Variants in ANKRD33B observed in about 807,000 individuals in gnomAD.
The protein encoded by ANKRD33B is ankyrin repeat domain 33B, also known as ankyrin repeat domain-containing protein 33B.
ANKRD33B carries 6 observed loss-of-function variants against 21.5 expected under a neutral mutation model. That is an observed-to-expected ratio of 0.28 (90% CI 0.15 to 0.55). The LOEUF is 0.55. ANKRD33B is among the 20% of genes least tolerant of loss of function. The pLI, the probability that ANKRD33B is intolerant of heterozygous loss-of-function variation, is 0.94. For missense variants in ANKRD33B, 698 were observed against 747.2 expected (o/e 0.93, Z 0.77); for synonymous variants, 347 against 342.4 (o/e 1.01, Z -0.15).
Position 10,564,732 on chromosome 5 carries a change from C to G in ANKRD33B, c.265C>G (p.Leu89Val). 1 of 1,532,620 alleles carries G rather than the reference C, an allele frequency of 6.5e-7. No homozygotes were observed. Among genetic ancestry groups the G allele is most frequent in the Non-Finnish European group, 8.7e-7 (1 of 1,145,244 alleles). The allele number at this position is 1,532,620 out of a possible 1,614,324, so 94.9% of individuals were successfully genotyped here. Residue 89 changes from leucine to valine, a missense_variant, in exon 1 of 4, where the codon CTC (leucine) becomes GTC (valine). Physicochemically the swap from Leu to Val is conservative, Grantham distance 32. Around this residue, in one of 3 missense-constraint regions of ANKRD33B, gnomAD observed 148 missense variants for 154.9 expected, o/e 0.96. Coordinates refer to ENST00000296657, the MANE Select transcript of ANKRD33B (RefSeq NM_001164440.2). Reference sequence around the variant, plus strand: ...GGAAAGCGTCCCGGAGACGGCGACCCTCCTGCGCGCCGCCTGCGCCAACAA... The same window carrying G: ...GGAAAGCGTCCCGGAGACGGCGACCGTCCTGCGCGCCGCCTGCGCCAACAA... ...VPESVPETAT[L>V]LRAACANNVG... is the part of the protein sequence containing the mutation.
In ANKRD33B at chr5:10,649,816, C is replaced by T. The variant is rs1434330009; in HGVS notation, c.1188C>T (p.Pro396=). The T allele has an allele frequency of 2.2e-6, 3 of 1,384,326 alleles. No homozygotes were observed. Among genetic ancestry groups the T allele is most frequent in the South Asian group, 3.1e-5 (2 of 64,004 alleles). 85.8% of individuals were successfully genotyped at this position (1,384,326 alleles called of 1,614,324 possible). The change falls in exon 4 of 4, where the codon CCC becomes CCT. Residue 396 remains proline (P), a synonymous_variant. Coordinates refer to ENST00000296657, the MANE Select transcript of ANKRD33B (RefSeq NM_001164440.2). ...CTCCCGCCCTGGGGTCCCGGGGCCCCGCAGCGCCCGCCCCGCGGAAGGCCA... is the reference window on the plus strand; with the variant it reads ...CTCCCGCCCTGGGGTCCCGGGGCCCTGCAGCGCCCGCCCCGCGGAAGGCCA... ...GLPPALGSRG[P]AAPAPRKASL...
At chr5:10,583,897 G>A (rs551582751) in intron 1 of ANKRD33B, among the ~76,000 whole-genome samples, 27 of 152,276 alleles carry the variant, frequency 1.8e-4, no homozygotes, top group African/African-American at 6.5e-4. Context: ...TTTTCTCTTG[G>A]AGTTGTAATA....
At chr5:10,610,597 G>A (rs1736148803) in intron 1 of ANKRD33B, among the ~76,000 whole-genome samples, 1 of 152,204 alleles carries the variant, frequency 6.6e-6, no homozygotes, top group African/African-American at 2.4e-5. Context: ...TAGGGGCATG[G>A]ATGAACATGC....
intron 1 of ANKRD33B, among the ~76,000 whole-genome samples, chr5:10,600,562 T>C (rs1249192671): frequency 1.3e-5 from 2 of 152,244 alleles, no homozygotes; most frequent in African/African-American, 4.8e-5. Flanking sequence ...TTATCTAGTC[T>C]CTTGATGAAT....
Position 10,618,402 on chromosome 5 carries a change from G to T in ANKRD33B, c.436G>T (p.Val146Phe). Residue 146 changes from valine (V) to phenylalanine (F), a missense_variant, in exon 2 of 4, where the codon GTT becomes TTT. Val to Phe is a conservative substitution (Grantham distance 50). Coordinates refer to ENST00000296657, the MANE Select transcript of ANKRD33B (RefSeq NM_001164440.2). ...TVVALAECPH[V>F]DVNWQDSEGN... ...GGTGGCCTTAGCAGAGTGCCCCCAC[G>T]TTGACGTCAACTGGCAGGACAGCGA... 1.3e-6 allele frequency: 2 copies of T among 1,537,682 alleles called. No individual in the cohort carries two copies. Among genetic ancestry groups the T allele is most frequent in the Non-Finnish European group, 1.7e-6 (2 of 1,146,986 alleles).
chr5:10,644,019 A>AGG (rs1560987314), intron 3 of ANKRD33B, among the ~76,000 whole-genome samples: 1 of 150,764 alleles, frequency 6.6e-6, no homozygotes, highest in Non-Finnish European at 1.5e-5. Flanking sequence ...AAAAAAAAAA[A>AGG]AAGTGTTGAA....
chr5:10,625,788 A>G lies in ANKRD33B; in HGVS notation c.496+7326A>G, dbSNP rs149285677. Reference sequence around the variant, plus strand: ...GACAGGTGGGCTTTTGAGTTAATCAACGGCAGCAAGGCTGTAGTGAAGTCT... The same window carrying G: ...GACAGGTGGGCTTTTGAGTTAATCAGCGGCAGCAAGGCTGTAGTGAAGTCT... On this transcript the variant is annotated intron_variant, in intron 2 of 3. Transcript: ENST00000296657. Among the ~76,000 whole-genome samples, 845 of 152,364 alleles carry G rather than the reference A, an allele frequency of 5.5e-3. 6 individuals carry two copies. The highest frequency in any genetic ancestry group is 0.019 in the African/African-American group (791 of 41,574).
rs770134327 is a variant in ANKRD33B, at chr5:10,652,794, G to T, written c.*2681G>T. 44 of 284,912 alleles carry T rather than the reference G, an allele frequency of 1.5e-4. No homozygotes were observed. In the Middle Eastern group the frequency reaches 2.0e-3, roughly 13 times the overall value. 17.6% of individuals were successfully genotyped at this position (284,912 alleles called of 1,614,324 possible). ...CATCCAGGTGCACAGGATACTCTGG[G>T]GCCAGCACAGGGATTGTCCAGTGAT... On this transcript the variant is annotated 3_prime_UTR_variant, in exon 4 of 4. Transcript: ENST00000296657. The surrounding 1 kb of genome is among the most constrained non-coding windows in gnomAD (Gnocchi z 4.1).
intron 1 of ANKRD33B, among the ~76,000 whole-genome samples, chr5:10,578,743 G>T (rs150912567): frequency 6.6e-6 from 1 of 152,154 alleles, no homozygotes; most frequent in Non-Finnish European, 1.5e-5. Flanking sequence ...AATCTGAACC[G>T]TTGGGTTTGT....
At chr5:10,637,167 CTCT>C (rs1736886727) in intron 2 of ANKRD33B, among the ~76,000 whole-genome samples, 1 of 152,182 alleles carries the variant, frequency 6.6e-6, no homozygotes, top group Non-Finnish European at 1.5e-5. Context: ...CAAGAGGATG[CTCT>C]CCCACTCCAT....
intron 1 of ANKRD33B, among the ~76,000 whole-genome samples, chr5:10,591,800 A>G (rs1735700518): frequency 8.4e-6 from 1 of 118,392 alleles, no homozygotes; most frequent in Non-Finnish European, 1.9e-5. Flanking sequence ...GCTGATATTC[A>G]ATATAATATT....
At position 10,649,753 on chromosome 5, in the gene ANKRD33B, C is replaced by T; in HGVS notation, c.1125C>T (p.Asp375=). ...AGCGCGGGCGGACCGGACAGGAGGA[C>T]GCGGACTCCCGGGAGGGCTCCCCGA... ...AGQRGRTGQE[D]ADSREGSPRA... The change falls in exon 4 of 4, where the codon GAC becomes GAT. Residue 375 remains aspartate, a synonymous_variant. Coordinates refer to ENST00000296657, the MANE Select transcript of ANKRD33B (RefSeq NM_001164440.2). The T allele has an allele frequency of 2.8e-6, 4 of 1,445,418 alleles. No individual in the cohort carries two copies. The highest frequency in any genetic ancestry group is 3.6e-6 in the Non-Finnish European group (4 of 1,104,350). 89.5% of individuals were successfully genotyped at this position (1,445,418 alleles called of 1,614,324 possible).
rs544049690 is a variant in ANKRD33B, at chr5:10,652,856, G to A, written c.*2743G>A. 3.7e-6 allele frequency: 1 copy of A among 267,328 alleles called. No individual in the cohort carries two copies. Among genetic ancestry groups the A allele is most frequent in the South Asian group, 3.6e-5 (1 of 28,036 alleles). The allele number at this position is 267,328 out of a possible 1,614,324, so 16.6% of individuals were successfully genotyped here. On this transcript the variant is annotated 3_prime_UTR_variant, in exon 4 of 4. Coordinates refer to ENST00000296657, the MANE Select transcript of ANKRD33B (RefSeq NM_001164440.2). The surrounding 1 kb of genome is among the most constrained non-coding windows in gnomAD (Gnocchi z 4.1). ...CCACAAAACAGCTCTAGAGATACCT[G>A]CATTTTGAAAAGCCTGCTGAGCCAA...
rs1737506564 is a variant in ANKRD33B at position 10,657,053 on chromosome 5, G to A, written c.*6940G>A. The A allele has an allele frequency of 6.6e-6, 1 of 152,238 alleles. No individual in the cohort carries two copies. The highest frequency in any genetic ancestry group is 2.4e-5 in the African/African-American group (1 of 41,422). 9.4% of individuals were successfully genotyped at this position (152,238 alleles called of 1,614,324 possible). A position where few individuals can be genotyped will look rare whatever the true frequency, so the allele number is the denominator to read the frequency against. On this transcript the variant is annotated 3_prime_UTR_variant, in exon 4 of 4. Coordinates refer to ENST00000296657, the MANE Select transcript of ANKRD33B (RefSeq NM_001164440.2). ...GGCCTGATGCTTTAAGAAGTTTGAG[G>A]AGGTAGGTATGGAGGCACCTTAACA...
At chr5:10,595,827 G>T (rs951280681) in intron 1 of ANKRD33B, among the ~76,000 whole-genome samples, 2 of 152,298 alleles carry the variant, frequency 1.3e-5, no homozygotes, top group Admixed American at 6.5e-5. Context: ...TACGACTCTG[G>T]AAATCTCTGT....
intron 1 of ANKRD33B, among the ~76,000 whole-genome samples, chr5:10,571,456 C>A (rs1423314907): frequency 6.6e-6 from 1 of 152,182 alleles, no homozygotes; most frequent in Admixed American, 6.6e-5. Flanking sequence ...CCCACCTCAG[C>A]CTCCCAAAGC....
At chr5:10,610,984 C>A (rs1468093155) in intron 1 of ANKRD33B, among the ~76,000 whole-genome samples, 2 of 152,232 alleles carry the variant, frequency 1.3e-5, no homozygotes, top group East Asian at 3.9e-4. Flanking sequence ...GCGGAGGTTG[C>A]GGTAAGCTGA....
In ANKRD33B at chr5:10,579,157, T is replaced by C. The variant is rs946372651; in HGVS notation, c.366+14324T>C. On this transcript the variant is annotated intron_variant, in intron 1 of 3. Transcript: ENST00000296657. ...CTAGTCTGGGCAAGGGAAGTGATACTGTGTCTCAAAAAAAAAAAAAAAAAG... is the reference window on the plus strand; with the variant it reads ...CTAGTCTGGGCAAGGGAAGTGATACCGTGTCTCAAAAAAAAAAAAAAAAAG... 3.3e-5 allele frequency among the ~76,000 whole-genome samples: 4 copies of C among 120,664 alleles called. No individual in the cohort carries two copies. In the Admixed American group the frequency reaches 3.6e-4, roughly 11 times the overall value. The allele number at this position is 120,664 out of a possible 152,430, so 79.2% of individuals were successfully genotyped here.
In ANKRD33B at chr5:10,586,529, GTGTGTA is replaced by G. The variant is rs1295365723; in HGVS notation, c.366+21698_366+21703del. On this transcript the variant is annotated intron_variant, in intron 1 of 3. Coordinates refer to ENST00000296657, the MANE Select transcript of ANKRD33B (RefSeq NM_001164440.2). ...TGTGTGTGTGTGTGTGTGTGTGTGTGTGTGTATACTGCTTTCTTCTCTTTATTTTCC... is the reference window on the plus strand; with the variant it reads ...TGTGTGTGTGTGTGTGTGTGTGTGTGTACTGCTTTCTTCTCTTTATTTTCC... 4.2e-3 allele frequency among the ~76,000 whole-genome samples: 448 copies of G among 105,798 alleles called. 3 individuals carry two copies. Among genetic ancestry groups the G allele is most frequent in the African/African-American group, 0.014 (415 of 29,788 alleles). 69.4% of individuals were successfully genotyped at this position (105,798 alleles called of 152,430 possible).
Sources: gnomAD v4.1 joint callset for allele counts (sites outside exome capture counted in the v4.1 genomes callset) on GRCh38, gnomAD v4.1.1 for gene constraint, gnomAD v4.1.1 regional missense constraint, Gnocchi (gnomAD v3.1) non-coding constraint, MANE v1.5 for transcripts, NCBI Gene and HGNC (gene_info 2026-07-23, HGNC 2026-07-21) for gene names.